CAST: variants seen among roughly 807,000 people sequenced by gnomAD.
CAST encodes calpastatin, also known as MIR583 host.
A neutral mutation model predicts 119.6 loss-of-function variants in CAST; 76 were observed. That is an observed-to-expected ratio of 0.64 (90% CI 0.53 to 0.77). The LOEUF (loss-of-function observed/expected upper bound fraction) is 0.77. Ranked by LOEUF, CAST falls within the 30% of genes least tolerant of loss-of-function variation. The pLI, the probability that CAST is intolerant of heterozygous loss-of-function variation, is 0.00. For missense variants in CAST, 953 were observed against 946.5 expected (o/e 1.01, Z -0.09); for synonymous variants, 319 against 331.6 (o/e 0.96, Z 0.41).
At chr5:96,446,043 C>T in the CAST span, among the ~76,000 whole-genome samples, 2 of 152,158 alleles carry the variant, frequency 1.3e-5, no homozygotes, top group East Asian at 3.9e-4. Flanking sequence ...GAGACGGAGT[C>T]TCCCTATGTT....
chr5:96,105,427 TGA>T, the CAST span, among the ~76,000 whole-genome samples: 20 of 152,350 alleles, frequency 1.3e-4, no homozygotes, highest in African/African-American at 4.6e-4. Flanking sequence ...CCTAATTTAT[TGA>T]GAGTTTTTAG....
the CAST span, among the ~76,000 whole-genome samples, chr5:96,498,321 C>A: frequency 0.011 from 1,607 of 152,230 alleles, 32 homozygotes; most frequent in African/African-American, 0.037. Flanking sequence ...GTTCTTTTGG[C>A]TTAGGATTGA....
At chr5:96,350,910 C>T in the CAST span, among the ~76,000 whole-genome samples, 10 of 152,124 alleles carry the variant, frequency 6.6e-5, no homozygotes, top group African/African-American at 2.4e-4. Flanking sequence ...CTTGATTTCC[C>T]CTGGTGACAT....
At chr5:96,658,088 G>C (rs892569869), upstream of CAST, among the ~76,000 whole-genome samples, 2 of 151,792 alleles carry the variant, frequency 1.3e-5, no homozygotes, top group African/African-American at 4.9e-5. Context: ...AACAGAGCGA[G>C]AGTCCATCTG....
chr5:96,557,511 A>G (rs1016830288), intron 1 of CAST, among the ~76,000 whole-genome samples: 6 of 152,066 alleles, frequency 3.9e-5, no homozygotes, highest in Non-Finnish European at 7.4e-5. Flanking sequence ...GGATGGAGAA[A>G]GATCTATCAA....
chr5:96,325,311 G>C, the CAST span, among the ~76,000 whole-genome samples: 1 of 152,008 alleles, frequency 6.6e-6, no homozygotes, highest in African/African-American at 2.4e-5. Context: ...TTATTTGCAG[G>C]CATATAAATA....
chr5:96,072,715 G>T, the CAST span, among the ~76,000 whole-genome samples: 1 of 152,198 alleles, frequency 6.6e-6, no homozygotes, highest in African/African-American at 2.4e-5. Flanking sequence ...GTAGCATGAG[G>T]GATATTGAGT....
At chr5:96,079,737 T>C in the CAST span, among the ~76,000 whole-genome samples, 1 of 152,204 alleles carries the variant, frequency 6.6e-6, no homozygotes, top group South Asian at 2.1e-4. Flanking sequence ...TAAGAATCAA[T>C]TAGGAACATA....
chr5:96,716,746 A>T (rs1757253955), intron 3 of CAST, among the ~76,000 whole-genome samples: 1 of 152,250 alleles, frequency 6.6e-6, no homozygotes, highest in Admixed American at 6.5e-5. Context: ...TGTAAAAGTT[A>T]AAAATTAGTT....
the CAST span, among the ~76,000 whole-genome samples, chr5:96,326,695 A>ATT: frequency 9.8e-4 from 94 of 95,712 alleles, no homozygotes; most frequent in Non-Finnish European, 1.0e-3. Flanking sequence ...ATGGCTTTTC[A>ATT]TTTTTTTTTT....
chr5:96,536,873 C>T (rs566722569), intron 1 of CAST, among the ~76,000 whole-genome samples: 3 of 152,052 alleles, frequency 2.0e-5, no homozygotes, highest in Admixed American at 6.6e-5. Context: ...AAGAATATAA[C>T]GTGTGATTTA....
the CAST span, among the ~76,000 whole-genome samples, chr5:96,474,463 G>A: frequency 6.6e-6 from 1 of 152,148 alleles, no homozygotes; most frequent in African/African-American, 2.4e-5. Flanking sequence ...GGCCTGTTGT[G>A]TGCCTAAATT....
At chr5:96,056,924 T>TC in the CAST span, among the ~76,000 whole-genome samples, 1 of 152,034 alleles carries the variant, frequency 6.6e-6, no homozygotes, top group Admixed American at 6.6e-5. Flanking sequence ...ATTACAAAAA[T>TC]TTTTTTAGAC....
chr5:96,752,544 TCAGGGATAAC>T (rs1765289625), intron 20 of CAST, among the ~76,000 whole-genome samples: 1 of 50,160 alleles, frequency 2.0e-5, no homozygotes, highest in Non-Finnish European at 4.0e-5. Flanking sequence ...GTTAGAAACC[TCAGGGATAAC>T]CTCAGGGATT....
At chr5:96,268,406 C>G in the CAST span, among the ~76,000 whole-genome samples, 1 of 152,042 alleles carries the variant, frequency 6.6e-6, no homozygotes, top group African/African-American at 2.4e-5. Flanking sequence ...AACCCCATCT[C>G]TACATAAAAA....
At chr5:96,040,057 G>C in the CAST span, among the ~76,000 whole-genome samples, 2 of 152,126 alleles carry the variant, frequency 1.3e-5, no homozygotes, top group Non-Finnish European at 2.9e-5. Context: ...TTGAGTAGTG[G>C]TTTGTAGTTC....
the CAST span, among the ~76,000 whole-genome samples, chr5:96,252,861 G>GT: frequency 6.6e-6 from 1 of 152,100 alleles, no homozygotes. Context: ...GAGTTTGTTG[G>GT]TTCCTTCGTG....
the CAST span, among the ~76,000 whole-genome samples, chr5:96,367,141 G>C: frequency 6.6e-6 from 1 of 152,108 alleles, no homozygotes; most frequent in Non-Finnish European, 1.5e-5. Flanking sequence ...GCAGAACAGT[G>C]AATATTTAAC....
the CAST span, among the ~76,000 whole-genome samples, chr5:96,253,360 G>A: frequency 2.6e-5 from 4 of 152,084 alleles, no homozygotes; most frequent in Non-Finnish European, 5.9e-5. Flanking sequence ...TGGGGAGCTT[G>A]CAAAATAGGC....
Sources: allele counts gnomAD v4.1 joint callset (sites outside exome capture counted in the v4.1 genomes callset), GRCh38; gene constraint gnomAD v4.1.1; transcripts MANE v1.5; gene names NCBI Gene and HGNC (gene_info 2026-07-23, HGNC 2026-07-21).